The following P2RY12 variants were observed in gnomAD, a reference collection of about 807,000 sequenced individuals.
P2RY12 encodes purinergic receptor P2Y12.
P2RY12 carries 3 observed loss-of-function variants against 4.5 expected under a neutral mutation model. That is an observed-to-expected ratio of 0.67 (90% CI 0.31 to 1.74). The LOEUF (loss-of-function observed/expected upper bound fraction) is 1.74. Among genes scored for constraint, P2RY12 ranks in the 40% most tolerant of loss-of-function variants. The pLI is 0.09. For missense variants in P2RY12, 356 were observed against 407.8 expected, an observed-to-expected ratio of 0.87 and a Z score of 1.09; for synonymous variants, 148 against 154.1, an observed-to-expected ratio of 0.96 and a Z score of 0.29.
rs1234988421 is a variant in P2RY12, at chr3:151,338,136, T to A, written c.710A>T (p.Lys237Ile). Residue 237 changes from lysine (K) to isoleucine (I), a missense_variant, in exon 3 of 3, where the codon AAA becomes ATA. Transcript: ENST00000302632. ...GKVPRKKVNVKVFIIIAVFFI... is the reference protein window; with the variant it reads ...GKVPRKKVNVIVFIIIAVFFI... ...GAATACAGCAATGATAATGAAAACT[T>A]TGACGTTCACCTTTTTCCTGGGGAC... is the stretch of plus-strand genomic sequence containing the variant. 1 of 1,614,056 alleles carries A rather than the reference T, an allele frequency of 6.2e-7. No individual in the cohort carries two copies. The highest frequency in any genetic ancestry group is 1.7e-5 in the Admixed American group (1 of 59,962).
intron 1 of P2RY12, chr3:151,372,654 A>G: frequency 1.2e-6 from 2 of 1,613,520 alleles, no homozygotes; most frequent in Non-Finnish European, 1.7e-6. Flanking sequence ...GGGAATGCTG[A>G]TGATATCTGG....
chr3:151,356,849 TTA>T (rs1269312767), intron 1 of P2RY12, among the ~76,000 whole-genome samples: 1 of 152,196 alleles, frequency 6.6e-6, no homozygotes, highest in African/African-American at 2.4e-5. Context: ...TTTGTTTATT[TTA>T]TAGGAGATAT....
chr3:151,338,947 C>T lies in P2RY12; in HGVS notation c.-14-88G>A, dbSNP rs537265189. The T allele has an allele frequency of 7.7e-6, 9 of 1,169,588 alleles. 1 individual carries two copies. In the South Asian group the frequency reaches 1.2e-4, roughly 15 times the overall value. 72.5% of individuals were successfully genotyped at this position (1,169,588 alleles called of 1,614,324 possible). On this transcript the variant is annotated intron_variant, in intron 2 of 2. Coordinates refer to ENST00000302632, the MANE Select transcript of P2RY12 (RefSeq NM_022788.5). ...TGTGTGTAACTTTTTTGGACACAGCCTCCTCTAAAAGTTGAGGTTTCTCAT... is the reference window on the plus strand; with the variant it reads ...TGTGTGTAACTTTTTTGGACACAGCTTCCTCTAAAAGTTGAGGTTTCTCAT...
chr3:151,360,474 G>T (rs1178534637), intron 1 of P2RY12: 1 of 1,611,366 alleles, frequency 6.2e-7, no homozygotes, highest in Non-Finnish European at 8.5e-7. Context: ...TTCTCCTCAG[G>T]TTGTGTGGTG....
chr3:151,339,679 A>G (rs147323742), intron 2 of P2RY12, among the ~76,000 whole-genome samples: 1 of 152,210 alleles, frequency 6.6e-6, no homozygotes, highest in African/African-American at 2.4e-5. Flanking sequence ...GCCTGTGTAT[A>G]TATGGTCATG....
intron 1 of P2RY12, among the ~76,000 whole-genome samples, chr3:151,354,855 A>G (rs35786948): frequency 0.32 from 48,088 of 152,006 alleles, 7,672 homozygotes; most frequent in African/African-American, 0.34. Flanking sequence ...ATAAAGTTCC[A>G]GTGTAGGCAA....
At position 151,338,427 on chromosome 3, in the gene P2RY12, C is replaced by A. The variant is rs897116062; in HGVS notation, c.419G>T (p.Gly140Val). The change falls in exon 3 of 3, where the codon GGG becomes GTG. Residue 140 changes from glycine (G) to valine (V), a missense_variant. Coordinates refer to ENST00000302632, the MANE Select transcript of P2RY12 (RefSeq NM_022788.5). ...FKTSNPKNLLGAKILSVVIWA... is the reference protein window; with the variant it reads ...FKTSNPKNLLVAKILSVVIWA... ...GATGACAACAGAGAGAATCTTAGCC[C>A]CCAAGAGATTTTTGGGGTTGGATGT... 1 of 1,613,990 alleles carries A rather than the reference C, an allele frequency of 6.2e-7. No individual in the cohort carries two copies. The highest frequency in any genetic ancestry group is 8.5e-7 in the Non-Finnish European group (1 of 1,180,006).
intron 1 of P2RY12, chr3:151,379,980 A>C: frequency 1.7e-6 from 1 of 571,816 alleles, no homozygotes. Flanking sequence ...GTATGATTTA[A>C]ATTTTCAAGC....
At chr3:151,349,917 AG>A (rs1341421966) in intron 1 of P2RY12, 7 of 535,418 alleles carry the variant, frequency 1.3e-5, no homozygotes, top group Admixed American at 1.2e-4. Flanking sequence ...TTGCCAGTGG[AG>A]GTTGAGGTGA....
At chr3:151,361,933 A>G (rs560487179) in intron 1 of P2RY12, among the ~76,000 whole-genome samples, 1 of 152,234 alleles carries the variant, frequency 6.6e-6, no homozygotes, top group Non-Finnish European at 1.5e-5. Flanking sequence ...TATTTTGAGG[A>G]CAATTATTTA....
rs541346313 is a variant in P2RY12 at position 151,363,704 on chromosome 3, G to A, written c.-180+20988C>T. Among the ~76,000 whole-genome samples, 3 of 152,300 alleles carry A rather than the reference G, an allele frequency of 2.0e-5. No individual in the cohort carries two copies. In the South Asian group the frequency reaches 6.2e-4, roughly 32 times the overall value. On this transcript the variant is annotated intron_variant, in intron 1 of 2. Transcript: ENST00000302632. The stretch of plus-strand genomic sequence containing the variant: ...TAGATGACTTTAGTCCTCTTTGTTA[G>A]AGTAGTGCTTCCCAAGCATTACTTG...
At chr3:151,370,889 T>C (rs1756096365) in intron 1 of P2RY12, among the ~76,000 whole-genome samples, 1 of 152,208 alleles carries the variant, frequency 6.6e-6, no homozygotes, top group South Asian at 2.1e-4. Context: ...ATTAGTCTAA[T>C]CTCAAGTAGA....
At chr3:151,341,514 CA>C (rs1247659717) in intron 1 of P2RY12, among the ~76,000 whole-genome samples, 1 of 150,548 alleles carries the variant, frequency 6.6e-6, no homozygotes, top group Non-Finnish European at 1.5e-5. Flanking sequence ...ACCAGAAGGG[CA>C]AAAAATATGT....
intron 1 of P2RY12, chr3:151,384,013 T>TA: frequency 6.5e-7 from 1 of 1,531,650 alleles, no homozygotes; most frequent in South Asian, 1.2e-5. Flanking sequence ...GTGCCTTGAA[T>TA]AAAAATACTC....
At chr3:151,350,166 C>T (rs569897717) in intron 1 of P2RY12, 7 of 1,613,596 alleles carry the variant, frequency 4.3e-6, no homozygotes, top group Non-Finnish European at 5.9e-6. Flanking sequence ...CCAAAGATAT[C>T]CTGAAAATTC....
chr3:151,350,112 C>T (rs1414124790), intron 1 of P2RY12: 21 of 1,612,890 alleles, frequency 1.3e-5, no homozygotes, highest in South Asian at 4.4e-5. Context: ...TCTATGGAGT[C>T]GGCAAAGAGC....
rs1355304655 is a variant in P2RY12, at chr3:151,338,165, A to G, written c.681T>C (p.Gly227=). Residue 227 remains glycine (G), a synonymous_variant, in exon 3 of 3, where the codon GGT becomes GGC. Transcript: ENST00000302632. ...YRSYVRTRGV[G]KVPRKKVNVK... is the part of the protein sequence containing the mutation. ...CGTTCACCTTTTTCCTGGGGACTTTACCTACACCCCTCGTTCTTACGTATG... is the reference window on the plus strand; with the variant it reads ...CGTTCACCTTTTTCCTGGGGACTTTGCCTACACCCCTCGTTCTTACGTATG... 1.2e-6 allele frequency: 2 copies of G among 1,614,068 alleles called. No homozygotes were observed. The highest frequency in any genetic ancestry group is 1.7e-6 in the Non-Finnish European group (2 of 1,179,974).
intron 1 of P2RY12, among the ~76,000 whole-genome samples, chr3:151,346,403 C>T (rs1029819216): frequency 1.3e-5 from 2 of 152,148 alleles, no homozygotes; most frequent in African/African-American, 4.8e-5. Flanking sequence ...TCATGCCCAA[C>T]TCCTGGTAAA....
chr3:151,365,956 G>A lies in P2RY12; in HGVS notation c.-180+18736C>T, dbSNP rs780010525. ...GGCTCTTTGTTGTTCTTCAAATCAC[G>A]TGTGGGGGTTTAATGATGTACTTTG... is the stretch of plus-strand genomic sequence containing the variant. On this transcript the variant is annotated intron_variant, in intron 1 of 2. Transcript: ENST00000302632. 1.4e-5 allele frequency: 22 copies of A among 1,612,544 alleles called. No individual in the cohort carries two copies. The highest frequency in any genetic ancestry group is 1.6e-4 in the Middle Eastern group (1 of 6,076).
Sources: allele counts gnomAD v4.1 joint callset (sites outside exome capture counted in the v4.1 genomes callset), GRCh38; gene constraint gnomAD v4.1.1; transcripts MANE v1.5; gene names NCBI Gene and HGNC (gene_info 2026-07-23, HGNC 2026-07-21).